Variants in AUTS2 observed in about 807,000 individuals in gnomAD.
The protein encoded by AUTS2 is autism susceptibility gene 2 protein.
A neutral mutation model predicts 112.4 loss-of-function variants in AUTS2; 17 were observed. The observed-to-expected ratio is 0.15, with a 90% CI of 0.10 to 0.23. The LOEUF is 0.23. Ranked by LOEUF, AUTS2 falls within the 10% of genes least tolerant of loss-of-function variation. AUTS2 has a pLI of 1.00. For missense variants in AUTS2, 1,510 were observed against 1,701.6 expected, an observed-to-expected ratio of 0.89 and a Z score of 1.98; for synonymous variants, 751 against 702.7, an observed-to-expected ratio of 1.07 and a Z score of -1.09.
chr7:70,401,178 T>C (rs1794311063), intron 4 of AUTS2, among the ~76,000 whole-genome samples: 1 of 152,018 alleles, frequency 6.6e-6, no homozygotes, highest in Non-Finnish European at 1.5e-5. Flanking sequence ...CTCCATGGCA[T>C]GAAGGGAGAG....
At chr7:69,958,459 C>G (rs1797304094) in intron 2 of AUTS2, among the ~76,000 whole-genome samples, 1 of 152,120 alleles carries the variant, frequency 6.6e-6, no homozygotes, top group Non-Finnish European at 1.5e-5. Flanking sequence ...TCCCTACTTG[C>G]AAGAAAATAC....
At chr7:70,276,449 G>A (rs1489926803) in intron 4 of AUTS2, among the ~76,000 whole-genome samples, 1 of 150,930 alleles carries the variant, frequency 6.6e-6, no homozygotes, top group African/African-American at 2.4e-5. Flanking sequence ...TGTGATTTCG[G>A]CTCACTGCAA....
chr7:69,685,721 T>C (rs572541780), intron 1 of AUTS2, among the ~76,000 whole-genome samples: 2 of 138,668 alleles, frequency 1.4e-5, no homozygotes, highest in Admixed American at 7.3e-5. Context: ...TCCATGCCCT[T>C]TTTTTTTTTT....
At chr7:69,917,863 G>C (rs929477436) in intron 2 of AUTS2, among the ~76,000 whole-genome samples, 7 of 132,938 alleles carry the variant, frequency 5.3e-5, no homozygotes, top group African/African-American at 2.1e-4. Context: ...TTGTTGTTGC[G>C]ACGGAGTCTC....
At chr7:70,636,514 A>T (rs535977756) in intron 5 of AUTS2, among the ~76,000 whole-genome samples, 1 of 152,152 alleles carries the variant, frequency 6.6e-6, no homozygotes, top group Non-Finnish European at 1.5e-5. Flanking sequence ...CCTCTTATGG[A>T]TACATTTTGT....
At chr7:70,342,347 A>C (rs866580448) in intron 4 of AUTS2, among the ~76,000 whole-genome samples, 1 of 151,308 alleles carries the variant, frequency 6.6e-6, no homozygotes, top group Non-Finnish European at 1.5e-5. Flanking sequence ...GCGGGGGGGA[A>C]GTCGCTTGCC....
intron 5 of AUTS2, among the ~76,000 whole-genome samples, chr7:70,663,442 G>T (rs1807176261): frequency 6.6e-6 from 1 of 152,170 alleles, no homozygotes; most frequent in South Asian, 2.1e-4. Flanking sequence ...ATAGCAAGTG[G>T]AGCCCCACAG....
At chr7:70,285,782 TTTA>T (rs1788431658) in intron 4 of AUTS2, among the ~76,000 whole-genome samples, 1 of 152,234 alleles carries the variant, frequency 6.6e-6, no homozygotes, top group South Asian at 2.1e-4. Context: ...TCATCAAATA[TTTA>T]TTGAGCCACT....
intron 1 of AUTS2, among the ~76,000 whole-genome samples, chr7:69,647,349 T>G (rs1795070831): frequency 6.6e-6 from 1 of 150,652 alleles, no homozygotes; most frequent in Non-Finnish European, 1.5e-5. Context: ...GTCAGACACT[T>G]TCACTATCTT....
chr7:70,572,142 A>G (rs1801968665), intron 5 of AUTS2, among the ~76,000 whole-genome samples: 1 of 152,136 alleles, frequency 6.6e-6, no homozygotes, highest in African/African-American at 2.4e-5. Flanking sequence ...TGGCCTAGCT[A>G]TGGCAGCCCA....
intron 1 of AUTS2, among the ~76,000 whole-genome samples, chr7:69,716,458 T>G (rs1275142689): frequency 3.3e-5 from 5 of 152,178 alleles, no homozygotes; most frequent in Non-Finnish European, 2.9e-5. Context: ...ACTGAACTTC[T>G]GAGAGATAGT....
intron 2 of AUTS2, among the ~76,000 whole-genome samples, chr7:70,098,002 T>C (rs1804289640): frequency 6.6e-6 from 1 of 152,204 alleles, no homozygotes; most frequent in East Asian, 1.9e-4. Flanking sequence ...AGAATCAGCA[T>C]GCTGTCTCCA....
At chr7:70,660,670 A>G (rs1474865659) in intron 5 of AUTS2, among the ~76,000 whole-genome samples, 3 of 152,184 alleles carry the variant, frequency 2.0e-5, no homozygotes, top group Non-Finnish European at 4.4e-5. Flanking sequence ...GGCTACATAC[A>G]TTATGTGCAT....
At chr7:69,880,256 C>T (rs758454637) in intron 1 of AUTS2, among the ~76,000 whole-genome samples, 11 of 152,112 alleles carry the variant, frequency 7.2e-5, no homozygotes, top group South Asian at 4.1e-4. Flanking sequence ...GGGGGAAATC[C>T]GTCCCCATCA....
intron 1 of AUTS2, among the ~76,000 whole-genome samples, chr7:69,796,716 C>G (rs534641112): frequency 2.0e-5 from 3 of 151,968 alleles, no homozygotes; most frequent in Non-Finnish European, 2.9e-5. Flanking sequence ...AAATGCAGTT[C>G]TGTTATTTTT....
Position 69,844,909 on chromosome 7 carries a change from A to G in AUTS2, c.310-54377A>G, listed in dbSNP as rs185032263. Among the ~76,000 whole-genome samples, 365 of 152,276 alleles carry G rather than the reference A, an allele frequency of 2.4e-3. 3 individuals carry two copies. Among genetic ancestry groups the G allele is most frequent in the Non-Finnish European group, 4.3e-3 (294 of 68,014 alleles). ...GTCCTATAAAATTATTTAAATTTCT[A>G]AAAATTCATTTTTCTGGTCCTGTGA... On this transcript the variant is annotated intron_variant, in intron 1 of 18. Coordinates refer to ENST00000342771, the MANE Select transcript of AUTS2 (RefSeq NM_015570.4).
chr7:69,944,103 C>A (rs1258308850), intron 2 of AUTS2, among the ~76,000 whole-genome samples: 4 of 152,140 alleles, frequency 2.6e-5, no homozygotes, highest in East Asian at 1.9e-4. Context: ...AATGGAAGTG[C>A]AAGTTTCAAA....
At position 69,966,293 on chromosome 7, in the gene AUTS2, C is replaced by CA. The variant is rs199603773; in HGVS notation, c.522+66797dup. On this transcript the variant is annotated intron_variant, in intron 2 of 18. Transcript: ENST00000342771. ...GTCATACATGCTCCTGATCCATTGC[C>CA]AACAGCAAAGGGACTTGAGCCCCCA... is the stretch of plus-strand genomic sequence containing the variant. Among the ~76,000 whole-genome samples the CA allele has an allele frequency of 7.8e-3, 1,190 of 152,262 alleles. 16 individuals are homozygous for CA. The highest frequency in any genetic ancestry group is 0.027 in the African/African-American group (1,118 of 41,552).
In AUTS2 at chr7:69,961,741, A is replaced by G. The variant is rs75542321; in HGVS notation, c.522+62243A>G. ...TTCTTAACATATTGTTTACAGAGAT[A>G]GAGCCCATGTTGTAAGGCTATGTAA... On this transcript the variant is annotated intron_variant, in intron 2 of 18. Transcript: ENST00000342771. 2.9e-3 allele frequency among the ~76,000 whole-genome samples: 448 copies of G among 152,290 alleles called. 5 individuals are homozygous for G. Among genetic ancestry groups the G allele is most frequent in the African/African-American group, 0.01 (434 of 41,564 alleles).
Sources: allele counts gnomAD v4.1 joint callset (sites outside exome capture counted in the v4.1 genomes callset), GRCh38; gene constraint gnomAD v4.1.1; transcripts MANE v1.5; gene names NCBI Gene and HGNC (gene_info 2026-07-23, HGNC 2026-07-21).